Variants in FAM240B observed in about 807,000 individuals in gnomAD.
The protein encoded by FAM240B is protein FAM240B.
chr9:38,710,799 T>G (rs1821246186), intron 1 of FAM240B, among the ~76,000 whole-genome samples: 1 of 152,210 alleles, frequency 6.6e-6, no homozygotes, highest in African/African-American at 2.4e-5. Context: ...GGAATGCCTT[T>G]TATTCTTCAA....
chr9:38,708,632 G>A (rs1256637761), intron 1 of FAM240B, among the ~76,000 whole-genome samples: 2 of 152,152 alleles, frequency 1.3e-5, no homozygotes, highest in Admixed American at 1.3e-4. Context: ...TGGAGATGAA[G>A]TGTGGTAACA....
At chr9:38,703,425 G>A (rs1193890991) in intron 2 of FAM240B, among the ~76,000 whole-genome samples, 3 of 152,150 alleles carry the variant, frequency 2.0e-5, no homozygotes, top group Non-Finnish European at 4.4e-5. Flanking sequence ...CAGGCAACTG[G>A]AAACAACTCC....
chr9:38,717,515 C>G (rs1267362234), intron 1 of FAM240B, among the ~76,000 whole-genome samples: 2 of 152,202 alleles, frequency 1.3e-5, no homozygotes, highest in South Asian at 2.1e-4. Context: ...GAGTCTCGCT[C>G]TGTTGCCCAG....
chr9:38,717,788 T>TA (rs1353020065), intron 1 of FAM240B, among the ~76,000 whole-genome samples: 1 of 152,156 alleles, frequency 6.6e-6, no homozygotes, highest in African/African-American at 2.4e-5. Context: ...GGCCAAGAGT[T>TA]ACAAAGTTTT....
intron 1 of FAM240B, among the ~76,000 whole-genome samples, chr9:38,714,356 C>A (rs574074111): frequency 2.2e-4 from 34 of 152,256 alleles, no homozygotes; most frequent in African/African-American, 8.2e-4. Context: ...TAAGGAGGAA[C>A]ACAATGCTTG....
chr9:38,707,275 CAA>C (rs1821200952), intron 1 of FAM240B, among the ~76,000 whole-genome samples: 1 of 152,092 alleles, frequency 6.6e-6, no homozygotes, highest in Non-Finnish European at 1.5e-5. Flanking sequence ...ATTATGAAGA[CAA>C]GAGAGGCCCG....
chr9:38,715,862 T>G (rs1344860811), intron 1 of FAM240B, among the ~76,000 whole-genome samples: 1 of 152,090 alleles, frequency 6.6e-6, no homozygotes, highest in Non-Finnish European at 1.5e-5. Context: ...TGGGTGCACA[T>G]AGAGTCGAAA....
chr9:38,719,270 T>C (rs1821345318), intron 1 of FAM240B, among the ~76,000 whole-genome samples: 1 of 151,696 alleles, frequency 6.6e-6, no homozygotes, highest in African/African-American at 2.4e-5. Context: ...AAAGTAGTTT[T>C]TTCTACAGTG....
At chr9:38,704,134 A>G (rs1357937943) in intron 1 of FAM240B, 132 bp from the exon 2 acceptor site, 5 of 384,972 alleles carry the variant, frequency 1.3e-5, no homozygotes, top group Non-Finnish European at 2.2e-5. Flanking sequence ...TGGTGACTGT[A>G]GACACATCAC....
chr9:38,705,859 C>T (rs755974008), intron 1 of FAM240B, among the ~76,000 whole-genome samples: 1 of 152,012 alleles, frequency 6.6e-6, no homozygotes, highest in Non-Finnish European at 1.5e-5. Context: ...CCTCCTGGAC[C>T]CATCTTCCAA....
chr9:38,716,953 C>G (rs528555148), intron 1 of FAM240B, among the ~76,000 whole-genome samples: 81 of 152,252 alleles, frequency 5.3e-4, no homozygotes, highest in Non-Finnish European at 1.0e-3. Flanking sequence ...ACATTCCTGC[C>G]CCACACTGTG....
At chr9:38,702,636 A>G (rs558283701) in intron 2 of FAM240B, among the ~76,000 whole-genome samples, 1 of 152,308 alleles carries the variant, frequency 6.6e-6, no homozygotes, top group South Asian at 2.1e-4. Context: ...GACACATATG[A>G]CACGTCTTCC....
intron 1 of FAM240B, among the ~76,000 whole-genome samples, chr9:38,707,843 G>GT (rs2119007856): frequency 6.6e-6 from 1 of 151,692 alleles, no homozygotes; most frequent in African/African-American, 2.4e-5. Flanking sequence ...ATCAGGCTAT[G>GT]AAGTATCTGA....
chr9:38,695,331 G>T (rs1315907259), intron 2 of FAM240B, among the ~76,000 whole-genome samples: 2 of 152,226 alleles, frequency 1.3e-5, no homozygotes, highest in African/African-American at 2.4e-5. Context: ...GACCATCCTG[G>T]CTAACACGGC....
In FAM240B at chr9:38,707,787, C is replaced by T. The variant is rs1039686675; in HGVS notation, c.-3-3785G>A. 7.5e-5 allele frequency among the ~76,000 whole-genome samples: 8 copies of T among 107,132 alleles called. No homozygotes were observed. The South Asian group carries it at 1.3e-3, about 17-fold the overall frequency. 70.3% of individuals were successfully genotyped at this position (107,132 alleles called of 152,430 possible). A position where few individuals can be genotyped will look rare whatever the true frequency, so the allele number is the denominator to read the frequency against. The stretch of plus-strand genomic sequence containing the variant: ...CCAGTCTGAGCAACAGAGCAAGACT[C>T]GGTCTCAAAAAAAAAAAAAAAAAAA... On this transcript the variant is annotated intron_variant, in intron 1 of 2. Coordinates refer to ENST00000637493, the MANE Select transcript of FAM240B (RefSeq NM_001394922.1).
At chr9:38,714,257 A>G (rs1472692708) in intron 1 of FAM240B, among the ~76,000 whole-genome samples, 1 of 152,238 alleles carries the variant, frequency 6.6e-6, no homozygotes, top group Non-Finnish European at 1.5e-5. Context: ...AAGAATGAGG[A>G]AAAGAGAAAA....
At chr9:38,716,393 A>T (rs1338171669) in intron 1 of FAM240B, among the ~76,000 whole-genome samples, 2 of 152,206 alleles carry the variant, frequency 1.3e-5, no homozygotes, top group Non-Finnish European at 2.9e-5. Context: ...AATCGCTTGA[A>T]CTGGGGAGGC....
At chr9:38,715,458 C>G (rs1410743232) in intron 1 of FAM240B, among the ~76,000 whole-genome samples, 1 of 152,200 alleles carries the variant, frequency 6.6e-6, no homozygotes, top group East Asian at 1.9e-4. Flanking sequence ...AGGTCAGAGG[C>G]CACAAGCTCG....
At chr9:38,695,067 T>C (rs1388906421) in intron 2 of FAM240B, among the ~76,000 whole-genome samples, 198 bp from the exon 3 acceptor site, 4 of 152,214 alleles carry the variant, frequency 2.6e-5, no homozygotes, top group African/African-American at 9.7e-5. Context: ...TTTCTTTTCC[T>C]ATGTTAAGGG....
Sources: gnomAD v4.1 joint callset for allele counts (sites outside exome capture counted in the v4.1 genomes callset) on GRCh38, gnomAD v4.1.1 for gene constraint, MANE v1.5 for transcripts, NCBI Gene and HGNC (gene_info 2026-07-23, HGNC 2026-07-21) for gene names.